Variants in ZBTB7C observed in about 807,000 individuals in gnomAD.
ZBTB7C encodes the protein zinc finger and BTB domain-containing protein 7C.
Under a neutral mutation model 25.7 loss-of-function variants are expected in ZBTB7C, and 8 were observed. The observed-to-expected ratio is 0.31, with a 90% CI of 0.18 to 0.56. The LOEUF is 0.56. Ranked by LOEUF, ZBTB7C falls within the 20% of genes least tolerant of loss-of-function variation. The probability of loss-of-function intolerance (pLI) is 0.91; values close to 1 mark genes in which losing one functional copy is unlikely to be tolerated. For synonymous variants in ZBTB7C, 394 were observed against 369.0 expected (o/e 1.07, Z -0.78); for missense variants, 824 against 855.2 (o/e 0.96, Z 0.46).
At chr18:48,178,583 G>A (rs902914914) in intron 3 of ZBTB7C, among the ~76,000 whole-genome samples, 10 of 152,180 alleles carry the variant, frequency 6.6e-5, no homozygotes, top group Admixed American at 5.9e-4. Context: ...AGGGACATGT[G>A]GCAGAATATG....
At chr18:48,357,211 C>T (rs1041664747) in intron 1 of ZBTB7C, among the ~76,000 whole-genome samples, 1 of 152,188 alleles carries the variant, frequency 6.6e-6, no homozygotes, top group Admixed American at 6.5e-5. Flanking sequence ...AGGCAGACGG[C>T]CACCTGCAGA....
chr18:48,338,597 AAC>A (rs550065222), intron 1 of ZBTB7C, among the ~76,000 whole-genome samples, 199 bp from the exon 2 acceptor site: 7 of 151,392 alleles, frequency 4.6e-5, no homozygotes, highest in East Asian at 1.9e-4. Flanking sequence ...CCCAGGCCTC[AAC>A]ACACACACAC....
intron 3 of ZBTB7C, among the ~76,000 whole-genome samples, chr18:48,101,537 C>T (rs888369414): frequency 3.3e-5 from 5 of 152,186 alleles, no homozygotes; most frequent in African/African-American, 1.2e-4. Context: ...TTCCAGTGCT[C>T]AGTGAGGCTT....
chr18:48,151,727 C>T (rs2040685366), intron 3 of ZBTB7C, among the ~76,000 whole-genome samples: 1 of 152,168 alleles, frequency 6.6e-6, no homozygotes, highest in Admixed American at 6.5e-5. Context: ...TCTCTCTGTT[C>T]CAATCTCCCT....
At chr18:48,398,460 G>A (rs2048079222) in intron 1 of ZBTB7C, among the ~76,000 whole-genome samples, 1 of 152,164 alleles carries the variant, frequency 6.6e-6, no homozygotes, top group Non-Finnish European at 1.5e-5. Context: ...CTGGGGTCAG[G>A]AAAGCCTAAG....
intron 2 of ZBTB7C, among the ~76,000 whole-genome samples, chr18:48,273,485 A>G (rs1053242415): frequency 6.6e-6 from 1 of 152,146 alleles, no homozygotes; most frequent in African/African-American, 2.4e-5. Context: ...ATGGAAAAAA[A>G]TTAGTTACCT....
At chr18:48,067,253 C>A (rs141296245) in intron 3 of ZBTB7C, among the ~76,000 whole-genome samples, 6 of 152,160 alleles carry the variant, frequency 3.9e-5, no homozygotes, top group Non-Finnish European at 7.4e-5. Flanking sequence ...CTTGAAGATC[C>A]CTTCATAGTT....
intron 4 of ZBTB7C, among the ~76,000 whole-genome samples, chr18:48,036,624 C>A (rs1251192075): frequency 6.6e-6 from 1 of 152,100 alleles, no homozygotes; most frequent in African/African-American, 2.4e-5. Context: ...GAGAGAAGGA[C>A]CTGAGGGCAG....
intron 2 of ZBTB7C, among the ~76,000 whole-genome samples, chr18:48,279,651 A>C (rs963717734): frequency 6.6e-6 from 1 of 152,214 alleles, no homozygotes. Context: ...GGCTGATACT[A>C]AAATGAAGGC....
chr18:48,122,221 G>C (rs756418377), intron 3 of ZBTB7C, among the ~76,000 whole-genome samples: 13 of 152,194 alleles, frequency 8.5e-5, no homozygotes, highest in African/African-American at 3.1e-4. Context: ...CAGTTCTTCA[G>C]GGCCTCAGAA....
At chr18:48,169,009 T>G (rs1230459638) in intron 3 of ZBTB7C, among the ~76,000 whole-genome samples, 2 of 152,230 alleles carry the variant, frequency 1.3e-5, no homozygotes, top group African/African-American at 4.8e-5. Context: ...TGGTGAATGT[T>G]GCAACTGGTC....
intron 3 of ZBTB7C, among the ~76,000 whole-genome samples, chr18:48,169,452 C>A (rs1380929825): frequency 1.3e-5 from 2 of 152,206 alleles, no homozygotes; most frequent in Non-Finnish European, 2.9e-5. Context: ...GCCATCGTCA[C>A]TTTTGAACTC....
chr18:48,377,246 G>C (rs935954102), intron 1 of ZBTB7C, among the ~76,000 whole-genome samples: 2 of 152,228 alleles, frequency 1.3e-5, no homozygotes, highest in African/African-American at 4.8e-5. Flanking sequence ...TCTGGGTATT[G>C]GGTCAGGTGC....
intron 3 of ZBTB7C, among the ~76,000 whole-genome samples, chr18:48,103,058 TTGTA>T (rs2038892498): frequency 6.9e-6 from 1 of 145,862 alleles, no homozygotes; most frequent in African/African-American, 2.5e-5. Flanking sequence ...TATATATATC[TTGTA>T]TATATATATT....
intron 3 of ZBTB7C, among the ~76,000 whole-genome samples, chr18:48,106,226 C>G (rs1020449917): frequency 2.0e-5 from 3 of 152,130 alleles, no homozygotes; most frequent in Admixed American, 6.5e-5. Flanking sequence ...TCTGCATGAA[C>G]CCCCTCCTCT....
intron 3 of ZBTB7C, among the ~76,000 whole-genome samples, chr18:48,086,636 A>G (rs6507803): frequency 0.36 from 55,051 of 152,066 alleles, 10,697 homozygotes; most frequent in African/African-American, 0.48. Flanking sequence ...TCAGGGAGAA[A>G]TCATCTTTCC....
chr18:48,401,405 T>C (rs1203170998), intron 1 of ZBTB7C, among the ~76,000 whole-genome samples: 2 of 152,132 alleles, frequency 1.3e-5, no homozygotes, highest in Non-Finnish European at 2.9e-5. Context: ...AGCCACCCTA[T>C]CAAATTGGTA....
intron 3 of ZBTB7C, among the ~76,000 whole-genome samples, chr18:48,122,768 C>A (rs1311083817): frequency 2.6e-5 from 4 of 152,174 alleles, no homozygotes; most frequent in Admixed American, 1.3e-4. Flanking sequence ...TTCAGTCCAA[C>A]CCAGGAGGAA....
Position 48,137,918 on chromosome 18 carries a change from T to G in ZBTB7C, c.-17+48016A>C, listed in dbSNP as rs4371223. 9.8e-5 allele frequency among the ~76,000 whole-genome samples: 15 copies of G among 152,344 alleles called. No individual in the cohort carries two copies. In the East Asian group the frequency reaches 2.9e-3, roughly 29 times the overall value. On this transcript the variant is annotated intron_variant, in intron 3 of 4. Transcript: ENST00000590800. ...TCACACAAACCTCTCCTTCGAGCCT[T>G]CTTGAAAACTGCCACCTGGGAGGCT...
Sources: gnomAD v4.1 joint callset for allele counts (sites outside exome capture counted in the v4.1 genomes callset) on GRCh38, gnomAD v4.1.1 for gene constraint, MANE v1.5 for transcripts, NCBI Gene and HGNC (gene_info 2026-07-23, HGNC 2026-07-21) for gene names.